Variants in TNS3 observed in about 807,000 individuals in gnomAD.
The protein encoded by TNS3 is tensin-3.
In TNS3, 45 loss-of-function variants were observed where a neutral mutation model predicts 140.9. The ratio of observed to expected loss-of-function variants is 0.32; its 90% confidence interval spans 0.25 to 0.41. The LOEUF (loss-of-function observed/expected upper bound fraction) is 0.41, where lower values mean the gene tolerates loss of function less well. TNS3 is among the 10% of genes least tolerant of loss of function. The pLI is 1.00. For missense variants in TNS3, 1,716 were observed against 1,906.7 expected, an observed-to-expected ratio of 0.90 and a Z score of 1.86; for synonymous variants, 815 against 788.4, an observed-to-expected ratio of 1.03 and a Z score of -0.56.
intron 4 of TNS3, chr7:47,453,213 C>T (rs749800835): frequency 4.1e-6 from 4 of 985,440 alleles, no homozygotes; most frequent in South Asian, 4.7e-5. Flanking sequence ...AATGTCCGCC[C>T]GGGGCTGAGG....
At chr7:47,300,038 T>C (rs942418009) in intron 23 of TNS3, among the ~76,000 whole-genome samples, 2 of 152,216 alleles carry the variant, frequency 1.3e-5, no homozygotes, top group Non-Finnish European at 2.9e-5. Context: ...GAGGTATTTT[T>C]ATGTTAGCTT....
At chr7:47,367,643 C>T (rs1167790546) in intron 17 of TNS3, among the ~76,000 whole-genome samples, 1 of 152,146 alleles carries the variant, frequency 6.6e-6, no homozygotes, top group Non-Finnish European at 1.5e-5. Flanking sequence ...CCCAGAGGCC[C>T]CCGCACCGGG....
intron 4 of TNS3, among the ~76,000 whole-genome samples, chr7:47,451,658 C>T (rs1331233729): frequency 6.6e-6 from 1 of 152,136 alleles, no homozygotes; most frequent in South Asian, 2.1e-4. Flanking sequence ...AGCCCGGTGA[C>T]GAGAGACACA....
At chr7:47,342,664 T>C (rs1169214554) in intron 20 of TNS3, among the ~76,000 whole-genome samples, 3 of 152,344 alleles carry the variant, frequency 2.0e-5, no homozygotes, top group Non-Finnish European at 2.9e-5. Context: ...AAACTCTGAC[T>C]TTGCCACTTA....
intron 11 of TNS3, 41 bp downstream of exon 11, chr7:47,415,053 G>C (rs1415646868): frequency 2.0e-6 from 3 of 1,497,582 alleles, no homozygotes; most frequent in Non-Finnish European, 2.8e-6. Flanking sequence ...TCCAAGTCTG[G>C]GCCAGCCAAT....
chr7:47,434,917 A>G (rs1169036890), intron 8 of TNS3, among the ~76,000 whole-genome samples: 1 of 152,276 alleles, frequency 6.6e-6, no homozygotes, highest in Non-Finnish European at 1.5e-5. Flanking sequence ...AAAGTCTGAC[A>G]CAGTCCATCT....
At chr7:47,347,662 G>A (rs1789424618) in intron 17 of TNS3, among the ~76,000 whole-genome samples, 1 of 151,982 alleles carries the variant, frequency 6.6e-6, no homozygotes, top group Non-Finnish European at 1.5e-5. Flanking sequence ...CAGCGACCAA[G>A]CAAGGGAGAT....
At chr7:47,313,104 G>T (rs1787201142) in intron 20 of TNS3, among the ~76,000 whole-genome samples, 1 of 152,134 alleles carries the variant, frequency 6.6e-6, no homozygotes, top group African/African-American at 2.4e-5. Flanking sequence ...GGACCCACAG[G>T]GAGACTTGCT....
intron 16 of TNS3, among the ~76,000 whole-genome samples, chr7:47,389,190 A>AAGC (rs1792362039): frequency 1.3e-5 from 2 of 150,138 alleles, no homozygotes; most frequent in African/African-American, 4.9e-5. Flanking sequence ...GAAGCAGAAG[A>AAGC]AGAAGAAGAA....
chr7:47,506,802 T>C, intron 3 of TNS3, 105 bp downstream of exon 3: 1 of 891,456 alleles, frequency 1.1e-6, no homozygotes, highest in Non-Finnish European at 1.5e-6. Context: ...TCCTAAAGAG[T>C]TTTCTTTCCG....
intron 13 of TNS3, among the ~76,000 whole-genome samples, chr7:47,402,273 TG>T (rs1415581281): frequency 1.3e-5 from 2 of 152,358 alleles, no homozygotes; most frequent in East Asian, 3.9e-4. Context: ...GGATGTTCCC[TG>T]TTGACAAACA....
At chr7:47,378,568 C>T (rs1791547572) in intron 16 of TNS3, among the ~76,000 whole-genome samples, 1 of 152,204 alleles carries the variant, frequency 6.6e-6, no homozygotes, top group Non-Finnish European at 1.5e-5. Context: ...CGGTGACTGA[C>T]AGCAATGATG....
intron 3 of TNS3, among the ~76,000 whole-genome samples, chr7:47,500,672 A>G (rs1276959064): frequency 6.6e-6 from 1 of 152,200 alleles, no homozygotes. Flanking sequence ...GGGAGTAACC[A>G]TCTTCCTGAA....
In TNS3 at chr7:47,368,613, G is replaced by T; in HGVS notation, c.2033C>A (p.Ala678Asp). 1 of 1,592,410 alleles carries T rather than the reference G, an allele frequency of 6.3e-7. No homozygotes were observed. ...GGGGCCTGTGCTCAGCTCTGGGCCG[G>T]CTCCATTCACAACCTGGTCTCCTGG... is the stretch of plus-strand genomic sequence containing the variant. ...RFPGDQVVNG[A>D]GPELSTGPSP... Residue 678 changes from alanine to aspartate, a missense_variant, in exon 17 of 31, where the codon GCC becomes GAC. Around this residue, in one of 3 missense-constraint regions of TNS3, gnomAD observed 1,163 missense variants for 1,182.1 expected, o/e 0.98. Coordinates refer to ENST00000311160, the MANE Select transcript of TNS3 (RefSeq NM_022748.12).
chr7:47,570,499 G>T (rs995837308), intron 1 of TNS3, among the ~76,000 whole-genome samples: 8 of 152,340 alleles, frequency 5.3e-5, no homozygotes, highest in Admixed American at 4.6e-4. Flanking sequence ...AGTTGTAAAT[G>T]GTTCTCTTCT....
Position 47,278,098 on chromosome 7 carries a change from A to G in TNS3, c.4316T>C (p.Ile1439Thr). 2.5e-6 allele frequency: 4 copies of G among 1,614,108 alleles called. No homozygotes were observed. Among genetic ancestry groups the G allele is most frequent in the South Asian group, 1.1e-5 (1 of 91,074 alleles). ...AIVNFVSKVM[I>T]GSPKKV ...TTCTCAGACCTTCTTTGGGGAACCA[A>G]TCATGACCTTTGATACGAAGTTGAC... The change falls in exon 31 of 31, where the codon ATT becomes ACT. Residue 1439 changes from isoleucine to threonine, a missense_variant. Transcript: ENST00000311160.
intron 23 of TNS3, among the ~76,000 whole-genome samples, chr7:47,300,453 T>C (rs1786328567): frequency 6.6e-6 from 1 of 152,166 alleles, no homozygotes; most frequent in South Asian, 2.1e-4. Flanking sequence ...CATCCACTTA[T>C]CCTGCATCTA....
chr7:47,329,253 T>C (rs991026102), intron 20 of TNS3, among the ~76,000 whole-genome samples: 4 of 152,182 alleles, frequency 2.6e-5, no homozygotes, highest in Non-Finnish European at 4.4e-5. Flanking sequence ...GTCTCTTGTG[T>C]CTGGCAAAAT....
chr7:47,470,372 TTAAAA>T (rs1324450475), intron 4 of TNS3: 1 of 857,536 alleles, frequency 1.2e-6, no homozygotes, highest in African/African-American at 1.8e-5. Context: ...TTTAAAAATC[TTAAAA>T]TAAATAAGTA....
Sources: allele counts gnomAD v4.1 joint callset (sites outside exome capture counted in the v4.1 genomes callset), GRCh38; gene constraint gnomAD v4.1.1; regional missense constraint gnomAD v4.1.1; transcripts MANE v1.5; gene names NCBI Gene and HGNC (gene_info 2026-07-23, HGNC 2026-07-21).